GRIN1: variants seen among roughly 807,000 people sequenced by gnomAD.
GRIN1 encodes glutamate ionotropic receptor NMDA type subunit 1.
GRIN1 carries 38 observed loss-of-function variants against 103.0 expected under a neutral mutation model. The observed-to-expected ratio is 0.37, with a 90% CI of 0.28 to 0.48. GRIN1 has a LOEUF of 0.48. Among genes scored for constraint, GRIN1 ranks in the 20% least tolerant of loss-of-function variants. The pLI, the probability that GRIN1 is intolerant of heterozygous loss-of-function variation, is 0.98. For missense variants in GRIN1, 577 were observed against 1,288.9 expected (o/e 0.45, Z 8.46); for synonymous variants, 544 against 532.7 (o/e 1.02, Z -0.29).
At position 137,163,936 on chromosome 9, in the gene GRIN1, C is replaced by T. The variant is rs954324285; in HGVS notation, c.2589+32C>T. On this transcript the variant is annotated intron_variant, in intron 18 of 19. Transcript: ENST00000371561. Reference sequence around the variant, plus strand: ...CAGGCCACCCTCCGAGGCCTGGTGCCCAGGGCCCGGCCTGGCCACGGCCCT... The same window carrying T: ...CAGGCCACCCTCCGAGGCCTGGTGCTCAGGGCCCGGCCTGGCCACGGCCCT... 5 of 1,610,624 alleles carry T rather than the reference C, an allele frequency of 3.1e-6. No individual in the cohort carries two copies. In the African/African-American group the frequency reaches 5.3e-5, roughly 17 times the overall value.
Position 137,142,009 on chromosome 9 carries a change from A to T in GRIN1, c.259-4A>T. 1 of 1,613,916 alleles carries T rather than the reference A, an allele frequency of 6.2e-7. No homozygotes were observed. Among genetic ancestry groups the T allele is most frequent in the Non-Finnish European group, 8.5e-7 (1 of 1,179,944 alleles). On this transcript the variant is annotated splice_polypyrimidine_tract_variant and splice_region_variant and intron_variant, in intron 1 of 19. Coordinates refer to ENST00000371561, the MANE Select transcript of GRIN1 (RefSeq NM_007327.4). Reference sequence around the variant, plus strand: ...CAAGCTGATCATGTCTCCTGTGTCCACAGGTCTACGCCATCCTAGTTAGCC... The same window carrying T: ...CAAGCTGATCATGTCTCCTGTGTCCTCAGGTCTACGCCATCCTAGTTAGCC...
intron 19 of GRIN1, 136 bp downstream of exon 19, chr9:137,165,432 C>T (rs1833817365): frequency 1.4e-6 from 1 of 703,180 alleles, no homozygotes; most frequent in Admixed American, 2.0e-5. Context: ...GGCGGCCGCT[C>T]TGCCCAGCCC....
At chr9:137,153,335 T>C (rs1339803161) in intron 4 of GRIN1, among the ~76,000 whole-genome samples, 2 of 150,620 alleles carry the variant, frequency 1.3e-5, no homozygotes, top group African/African-American at 4.9e-5. Flanking sequence ...TACCCACACA[T>C]GCAGAATTGT....
intron 19 of GRIN1, among the ~76,000 whole-genome samples, chr9:137,167,045 C>T (rs1260301312): frequency 2.0e-5 from 3 of 152,194 alleles, no homozygotes; most frequent in African/African-American, 7.2e-5. Context: ...GGGACATGTT[C>T]CCAGCGGAAC....
chr9:137,141,521 G>A (rs1832161281), intron 1 of GRIN1, among the ~76,000 whole-genome samples: 1 of 152,220 alleles, frequency 6.6e-6, no homozygotes, highest in Non-Finnish European at 1.5e-5. Context: ...CCAGCAAAAG[G>A]GATCTCGGCC....
intron 19 of GRIN1, among the ~76,000 whole-genome samples, chr9:137,165,758 G>A (rs1050865027): frequency 1.9e-4 from 29 of 152,214 alleles, no homozygotes; most frequent in South Asian, 2.1e-4. Flanking sequence ...CCCCTGCGAC[G>A]GCCCTGGAGG....
At position 137,139,897 on chromosome 9, in the gene GRIN1, A is replaced by G. The variant is rs1832071407; in HGVS notation, c.258+153A>G. 1.3e-5 allele frequency among the ~76,000 whole-genome samples: 2 copies of G among 152,104 alleles called. No individual in the cohort carries two copies. Among genetic ancestry groups the G allele is most frequent in the Admixed American group, 1.3e-4 (2 of 15,270 alleles). ...TGCTTCCGGGAGGCCTCGTCTCACT[A>G]GGAACCAAACACCAGGGTCTGCTGG... On this transcript the variant is annotated intron_variant, in intron 1 of 19. Transcript: ENST00000371561. This position sits in a 1 kb window ranked among gnomAD's most constrained non-coding sequence, Gnocchi z 7.7.
At chr9:137,141,932 C>T in intron 1 of GRIN1, 81 bp from the exon 2 acceptor site, 1 of 1,495,416 alleles carries the variant, frequency 6.7e-7, no homozygotes, top group Non-Finnish European at 9.3e-7. Context: ...GGTTCAGCCC[C>T]TGCTGCTTCC....
chr9:137,162,321 A>G (rs1212564009), intron 12 of GRIN1, 31 bp downstream of exon 12: 3 of 1,548,872 alleles, frequency 1.9e-6, no homozygotes, highest in East Asian at 4.7e-5. Context: ...AGACACCTCC[A>G]TCTGCGGGGC....
chr9:137,151,739 C>T (rs1248758545), intron 4 of GRIN1, among the ~76,000 whole-genome samples: 2 of 152,200 alleles, frequency 1.3e-5, no homozygotes, highest in Non-Finnish European at 2.9e-5. Context: ...AATCTCAGCT[C>T]ACTGCAACCT....
intron 8 of GRIN1, among the ~76,000 whole-genome samples, chr9:137,160,436 CTT>C (rs563443845): frequency 6.8e-6 from 1 of 147,654 alleles, no homozygotes; most frequent in African/African-American, 2.5e-5. Flanking sequence ...GGAATCATGT[CTT>C]TTTTTTTTTG....
At chr9:137,147,878 C>T (rs985631818) in intron 3 of GRIN1, among the ~76,000 whole-genome samples, 6 of 152,254 alleles carry the variant, frequency 3.9e-5, no homozygotes, top group East Asian at 3.9e-4. Flanking sequence ...GAACGGTGGA[C>T]GCGGACAGGG....
In GRIN1 at chr9:137,160,820, C is replaced by T. The variant is rs908934885; in HGVS notation, c.1198-236C>T. ...TCTTTTCTGAGCCCCCAGCCCCCAC[C>T]CCCCCGGGGCTGCAGGCAGACGATG... On this transcript the variant is annotated intron_variant, in intron 8 of 19. Coordinates refer to ENST00000371561, the MANE Select transcript of GRIN1 (RefSeq NM_007327.4). 2.0e-5 allele frequency among the ~76,000 whole-genome samples: 3 copies of T among 152,186 alleles called. No homozygotes were observed. In the East Asian group the frequency reaches 5.8e-4, roughly 29 times the overall value.
Position 137,156,750 on chromosome 9 carries a change from G to A in GRIN1, c.753G>A (p.Glu251=). 6.3e-7 allele frequency: 1 copy of A among 1,587,336 alleles called. No homozygotes were observed. The highest frequency in any genetic ancestry group is 1.1e-5 in the South Asian group (1 of 87,518). ...CCGGGTACGTGTGGCTGGTCGGCGA[G>A]CGCGAGATCTCGGGGAACGCCCTGC... is the stretch of plus-strand genomic sequence containing the variant. ...TGSGYVWLVG[E]REISGNALRY... Residue 251 remains glutamate, a synonymous_variant, in exon 5 of 20, where the codon GAG becomes GAA. Transcript: ENST00000371561.
Position 137,167,847 on chromosome 9 carries a change from C to A in GRIN1, c.*320C>A, listed in dbSNP as rs759932404. On this transcript the variant is annotated 3_prime_UTR_variant, in exon 20 of 20. Coordinates refer to ENST00000371561, the MANE Select transcript of GRIN1 (RefSeq NM_007327.4). ...TCGGTCAGCACCGTGGTGTGAGGCC[C>A]CCGGAGGCGCCCACCTGCCCAGTTA... The A allele has an allele frequency of 6.2e-7, 1 of 1,611,400 alleles. No individual in the cohort carries two copies. The highest frequency in any genetic ancestry group is 1.7e-5 in the Admixed American group (1 of 60,002).
rs1474874759 is a variant in GRIN1 at position 137,162,398 on chromosome 9, C to T, written c.1752-6C>T. 5.6e-6 allele frequency: 9 copies of T among 1,600,766 alleles called. No homozygotes were observed. Among genetic ancestry groups the T allele is most frequent in the East Asian group, 2.2e-5 (1 of 44,782 alleles). On this transcript the variant is annotated splice_region_variant and splice_polypyrimidine_tract_variant and intron_variant, in intron 12 of 19. Coordinates refer to ENST00000371561, the MANE Select transcript of GRIN1 (RefSeq NM_007327.4). ...CTCTCTCCCGCCCGCCCTCTGCGCC[C>T]CGCAGCCCCTTCGGCCGGTTCAAGG...
intron 2 of GRIN1, among the ~76,000 whole-genome samples, chr9:137,144,571 T>G (rs372416086): frequency 2.0e-5 from 3 of 150,012 alleles, no homozygotes; most frequent in Admixed American, 2.0e-4. Flanking sequence ...AGGAGAATGG[T>G]GTGAACCCAG....
intron 19 of GRIN1, 51 bp from the exon 20 acceptor site, chr9:137,167,360 C>A: frequency 7.1e-7 from 1 of 1,407,914 alleles, no homozygotes; most frequent in Non-Finnish European, 9.8e-7. Context: ...GGCTGGGGTC[C>A]CTGGCGGCCG....
intron 18 of GRIN1, chr9:137,164,141 C>A (rs1473060527): frequency 3.5e-6 from 2 of 572,380 alleles, no homozygotes; most frequent in Non-Finnish European, 3.1e-6. Flanking sequence ...GCACCCTGCT[C>A]CAAGCCTCCG....
Sources: gnomAD v4.1 joint callset for allele counts (sites outside exome capture counted in the v4.1 genomes callset) on GRCh38, gnomAD v4.1.1 for gene constraint, Gnocchi (gnomAD v3.1) non-coding constraint, MANE v1.5 for transcripts, NCBI Gene and HGNC (gene_info 2026-07-23, HGNC 2026-07-21) for gene names.